The following EAF2 variants were observed in gnomAD, a reference collection of about 807,000 sequenced individuals.
EAF2 encodes ELL associated factor 2.
EAF2 carries 29 observed loss-of-function variants against 29.4 expected under a neutral mutation model. The observed-to-expected ratio is 0.99, with a 90% confidence interval of 0.73 to 1.35. The LOEUF (loss-of-function observed/expected upper bound fraction) is 1.35, where lower values mean the gene tolerates loss of function less well. Ranked by LOEUF, EAF2 falls within the 40% of genes most tolerant of loss-of-function variation. The probability of loss-of-function intolerance (pLI) is 0.00; values close to 1 mark genes in which losing one functional copy is unlikely to be tolerated. For synonymous variants in EAF2, 103 were observed against 102.5 expected (o/e 1.00, Z -0.03); for missense variants, 292 against 312.0 (o/e 0.94, Z 0.48).
At chr3:121,878,236 A>G (rs1281083457) in intron 5 of EAF2, among the ~76,000 whole-genome samples, 1 of 152,092 alleles carries the variant, frequency 6.6e-6, no homozygotes, top group African/African-American at 2.4e-5. Flanking sequence ...AATATTAAGG[A>G]AGAAAATTAA....
chr3:121,874,985 G>A (rs1336552668), intron 5 of EAF2, among the ~76,000 whole-genome samples: 1 of 150,652 alleles, frequency 6.6e-6, no homozygotes, highest in Non-Finnish European at 1.5e-5. Context: ...AACTTTTAGG[G>A]AAATAATCAG....
chr3:121,869,272 CAT>C lies in EAF2; in HGVS notation c.485-3262_485-3261del, dbSNP rs571101409. 5.9e-5 allele frequency among the ~76,000 whole-genome samples: 9 copies of C among 152,176 alleles called. No homozygotes were observed. In the East Asian group the frequency reaches 1.7e-3, roughly 29 times the overall value. ...TTACATTAGAAGTGAGGAAAGTTAT[CAT>C]ATTAATTAATTTAAGTCCCTTTTTT... On this transcript the variant is annotated intron_variant, in intron 4 of 5. Transcript: ENST00000273668.
intron 1 of EAF2, among the ~76,000 whole-genome samples, chr3:121,842,552 G>T (rs576862579): frequency 6.6e-6 from 1 of 152,284 alleles, no homozygotes; most frequent in Admixed American, 6.5e-5. Context: ...GTAAGATGGG[G>T]TATTCACTAC....
chr3:121,866,387 A>G (rs917507688), intron 4 of EAF2, among the ~76,000 whole-genome samples: 1 of 152,116 alleles, frequency 6.6e-6, no homozygotes, highest in Non-Finnish European at 1.5e-5. Flanking sequence ...TAAGATATAG[A>G]TCTCCCCTAG....
At chr3:121,871,136 A>G (rs1382072945) in intron 4 of EAF2, among the ~76,000 whole-genome samples, 1 of 151,812 alleles carries the variant, frequency 6.6e-6, no homozygotes, top group Non-Finnish European at 1.5e-5. Flanking sequence ...AATATCCATA[A>G]GTAGAAAATG....
intron 4 of EAF2, among the ~76,000 whole-genome samples, chr3:121,872,087 GA>G (rs3840260): frequency 0.11 from 16,499 of 151,796 alleles, 956 homozygotes; most frequent in South Asian, 0.16. Context: ...GAGCAGGGGG[GA>G]AACCTATAGA....
chr3:121,881,360 CTT>C (rs1709188142), intron 5 of EAF2, among the ~76,000 whole-genome samples: 1 of 151,862 alleles, frequency 6.6e-6, no homozygotes, highest in African/African-American at 2.4e-5. Flanking sequence ...TGATGGGAGA[CTT>C]TTTATTACTG....
chr3:121,854,700 C>T lies in EAF2; in HGVS notation c.215C>T (p.Pro72Leu). 6.5e-7 allele frequency: 1 copy of T among 1,549,012 alleles called. No homozygotes were observed. The highest frequency in any genetic ancestry group is 8.6e-7 in the Non-Finnish European group (1 of 1,160,346). ...CTTTTTAAACAGGGTTCAACTCCAC[C>T]AGTAACTGTTTTCAAAGGTTCAAAA... ...TLPNIEGSTP[P>L]VTVFKGSKKP... The change falls in exon 3 of 6, where the codon CCA becomes CTA. Residue 72 changes from proline to leucine, a missense_variant. Transcript: ENST00000273668.
intron 3 of EAF2, among the ~76,000 whole-genome samples, chr3:121,855,192 G>C (rs953913769): frequency 2.6e-5 from 4 of 152,056 alleles, no homozygotes; most frequent in African/African-American, 7.2e-5. Flanking sequence ...ACTAGAAAAA[G>C]GAAAGTTTGC....
chr3:121,865,705 A>C (rs1708912907), intron 4 of EAF2, among the ~76,000 whole-genome samples: 1 of 152,166 alleles, frequency 6.6e-6, no homozygotes, highest in Non-Finnish European at 1.5e-5. Flanking sequence ...GATGGATCTA[A>C]AATTCTACTC....
chr3:121,863,296 G>C (rs938619894), intron 4 of EAF2, among the ~76,000 whole-genome samples: 6 of 152,184 alleles, frequency 3.9e-5, no homozygotes, highest in Non-Finnish European at 8.8e-5. Flanking sequence ...CCCAGAGGTG[G>C]AGTCTACAGA....
At chr3:121,884,138 G>C (rs1709237021) in intron 5 of EAF2, among the ~76,000 whole-genome samples, 1 of 151,956 alleles carries the variant, frequency 6.6e-6, no homozygotes, top group Admixed American at 6.6e-5. Flanking sequence ...AGGAGTTCGA[G>C]ACCAGCCTGG....
intron 5 of EAF2, among the ~76,000 whole-genome samples, chr3:121,884,009 A>G (rs1709234683): frequency 6.6e-6 from 1 of 152,192 alleles, no homozygotes; most frequent in Non-Finnish European, 1.5e-5. Flanking sequence ...CTTATGTCAT[A>G]TAATAGTTCT....
intron 1 of EAF2, among the ~76,000 whole-genome samples, chr3:121,842,661 T>G (rs1708457758): frequency 6.6e-6 from 1 of 152,232 alleles, no homozygotes; most frequent in Admixed American, 6.5e-5. Flanking sequence ...TTTGTTCATA[T>G]CTGTGTTCAT....
intron 3 of EAF2, among the ~76,000 whole-genome samples, chr3:121,856,330 T>C (rs546169129): frequency 6.6e-6 from 1 of 152,140 alleles, no homozygotes; most frequent in East Asian, 1.9e-4. Context: ...TTTTTTTTTT[T>C]TTTGGTTGTT....
intron 1 of EAF2, among the ~76,000 whole-genome samples, chr3:121,840,055 G>A (rs1708381622): frequency 6.6e-6 from 1 of 151,296 alleles, no homozygotes; most frequent in African/African-American, 2.4e-5. Context: ...TAGCGGTCGT[G>A]GTGGCGGGAG....
chr3:121,844,398 T>C, intron 1 of EAF2, 55 bp from the exon 2 acceptor site: 1 of 1,089,728 alleles, frequency 9.2e-7, no homozygotes, highest in Non-Finnish European at 1.4e-6. Flanking sequence ...CTCATAATTT[T>C]TATATCCAAA....
chr3:121,859,468 G>T (rs956795578), intron 4 of EAF2, among the ~76,000 whole-genome samples: 1 of 152,038 alleles, frequency 6.6e-6, no homozygotes, highest in Non-Finnish European at 1.5e-5. Flanking sequence ...TTGGCTCTCT[G>T]TTTGTTTGTT....
chr3:121,882,423 A>G (rs1338838982), intron 5 of EAF2, among the ~76,000 whole-genome samples: 1 of 152,088 alleles, frequency 6.6e-6, no homozygotes, highest in East Asian at 1.9e-4. Context: ...TTAGCTTTAT[A>G]AAAGTTAATT....
Sources: gnomAD v4.1 joint callset for allele counts (sites outside exome capture counted in the v4.1 genomes callset) on GRCh38, gnomAD v4.1.1 for gene constraint, MANE v1.5 for transcripts, NCBI Gene and HGNC (gene_info 2026-07-23, HGNC 2026-07-21) for gene names.